ROGDI: variants seen among roughly 807,000 people sequenced by gnomAD.
ROGDI encodes the protein rogdi atypical leucine zipper.
ROGDI carries 46 observed loss-of-function variants against 43.1 expected under a neutral mutation model. The ratio of observed to expected loss-of-function variants is 1.07; its 90% CI spans 0.84 to 1.37. The LOEUF is 1.37. ROGDI is among the 40% of genes most tolerant of loss of function. The probability of loss-of-function intolerance (pLI) is 0.00; values close to 1 mark genes in which losing one functional copy is unlikely to be tolerated. For synonymous variants in ROGDI, 243 were observed against 162.0 expected, an observed-to-expected ratio of 1.50 and a Z score of -3.80; for missense variants, 518 against 383.9, an observed-to-expected ratio of 1.35 and a Z score of -2.92.
chr16:4,798,399 G>A (rs756972357), intron 7 of ROGDI, 170 bp downstream of exon 7: 34 of 696,400 alleles, frequency 4.9e-5, no homozygotes, highest in Middle Eastern at 4.0e-4. Context: ...CAGGGTTAAC[G>A]TATTTTAGGG....
At position 4,797,921 on chromosome 16, in the gene ROGDI, C is replaced by A. The variant is rs772053878; in HGVS notation, c.695+17G>T. On this transcript the variant is annotated intron_variant, in intron 9 of 10. Transcript: ENST00000322048. ...ATGGGGTGGGCGTGCCTGGACCCCCCGCCCCTGCCTACTTACAACATGGCC... is the reference window on the plus strand; with the variant it reads ...ATGGGGTGGGCGTGCCTGGACCCCCAGCCCCTGCCTACTTACAACATGGCC... The A allele has an allele frequency of 1.9e-6, 3 of 1,598,550 alleles. No homozygotes were observed. The highest frequency in any genetic ancestry group is 1.3e-5 in the African/African-American group (1 of 74,778).
chr16:4,802,343 G>A (rs748899373), intron 2 of ROGDI, 39 bp downstream of exon 2: 1 of 1,517,900 alleles, frequency 6.6e-7, no homozygotes, highest in Non-Finnish European at 8.9e-7. Flanking sequence ...TGAGGAGGGA[G>A]GGCCGCCACG....
Position 4,798,136 on chromosome 16 carries a change from T to C in ROGDI, c.580A>G (p.Ile194Val), listed in dbSNP as rs2141906428. The C allele has an allele frequency of 9.3e-6, 15 of 1,613,958 alleles. No homozygotes were observed. Among genetic ancestry groups the C allele is most frequent in the African/African-American group, 2.7e-5 (2 of 75,012 alleles). Reference sequence around the variant, plus strand: ...GTGAGGCAGAGCTTGTTGAGGTTGATGTAGACGTTGACCAGCAGGTCGGAC... The same window carrying C: ...GTGAGGCAGAGCTTGTTGAGGTTGACGTAGACGTTGACCAGCAGGTCGGAC... ...LPSDLLVNVYINLNKLCLTVY... is the reference protein window; with the variant it reads ...LPSDLLVNVYVNLNKLCLTVY... The change falls in exon 8 of 11, where the codon ATC becomes GTC. Residue 194 changes from isoleucine to valine, a missense_variant. Coordinates refer to ENST00000322048, the MANE Select transcript of ROGDI (RefSeq NM_024589.3).
Position 4,797,982 on chromosome 16 carries a change from G to A in ROGDI, c.651C>T (p.Phe217=), listed in dbSNP as rs773539275. ...GCAGCACCGCGCCCCCAGCTGGGCG[G>A]AAGTTCTAGGGAGAACAGCACCAGA... is the stretch of plus-strand genomic sequence containing the variant. The part of the protein sequence containing the change: ...HALQPNSTKN[F]RPAGGAVLHS... Residue 217 remains phenylalanine (F), a synonymous_variant, in exon 9 of 11, where the codon TTC becomes TTT. Transcript: ENST00000322048. The A allele has an allele frequency of 5.0e-6, 8 of 1,608,446 alleles. No homozygotes were observed. The Admixed American group carries it at 1.3e-4, about 27-fold the overall frequency.
intron 2 of ROGDI, 135 bp from the exon 3 acceptor site, chr16:4,801,720 G>A (rs376721178): frequency 2.7e-5 from 21 of 785,676 alleles, no homozygotes; most frequent in East Asian, 1.6e-4. Context: ...GGGTTCAGCT[G>A]GGGTGGGAAG....
intron 3 of ROGDI, 39 bp from the exon 4 acceptor site, chr16:4,801,360 C>G: frequency 6.3e-7 from 1 of 1,586,810 alleles, no homozygotes; most frequent in Non-Finnish European, 8.6e-7. Flanking sequence ...TGTGGTCACC[C>G]CCCCACCACC....
At position 4,801,574 on chromosome 16, in the gene ROGDI, CAG is replaced by C. The variant is rs1402604550; in HGVS notation, c.127_128del (p.Leu43AlafsTer10). On this transcript the variant is annotated frameshift_variant, in exon 3 of 11. Coordinates refer to ENST00000322048, the MANE Select transcript of ROGDI (RefSeq NM_024589.3). LOFTEE classifies it high-confidence loss of function. ...QLQDILKEASLRFTLPGSGTE... is the reference protein window; with the variant it reads ...QLQDILKEASXRFTLPGSGTE... ...TGCCGGAGCCCGGCAGAGTGAAGCG[CAG>C]AGAGGCCTCCTGTGGAACAGAGGGA... 1 of 1,600,944 alleles carries C rather than the reference CAG, an allele frequency of 6.2e-7. No individual in the cohort carries two copies. The highest frequency in any genetic ancestry group is 1.7e-5 in the Admixed American group (1 of 57,788).
intron 3 of ROGDI, 54 bp downstream of exon 3, chr16:4,801,449 C>T (rs760668217): frequency 5.1e-6 from 8 of 1,571,296 alleles, no homozygotes; most frequent in Non-Finnish European, 6.9e-6. Context: ...TATGGCCATG[C>T]CTCCTACCCC....
intron 6 of ROGDI, 89 bp from the exon 7 acceptor site, chr16:4,798,756 G>A: frequency 1.8e-6 from 2 of 1,088,778 alleles, no homozygotes; most frequent in Non-Finnish European, 2.7e-6. Flanking sequence ...CTCCCACCCA[G>A]CCCAGTGGCT....
intron 10 of ROGDI, 31 bp downstream of exon 10, chr16:4,797,683 C>T: frequency 1.9e-6 from 3 of 1,613,712 alleles, no homozygotes; most frequent in Non-Finnish European, 2.5e-6. Flanking sequence ...AGAAGTCCTT[C>T]CCCTAATGAA....
chr16:4,798,768 C>T, intron 6 of ROGDI, 101 bp from the exon 7 acceptor site: 1 of 1,010,210 alleles, frequency 9.9e-7, no homozygotes, highest in Non-Finnish European at 1.5e-6. Context: ...CCAGTGGCTA[C>T]TGTTCCCAGG....
Position 4,801,228 on chromosome 16 carries a change from C to T in ROGDI, c.255+39G>A, listed in dbSNP as rs1169316668. On this transcript the variant is annotated intron_variant, in intron 4 of 10. Coordinates refer to ENST00000322048, the MANE Select transcript of ROGDI (RefSeq NM_024589.3). ...AAGTGGGAGCTCCCATGCTCTTCCC[C>T]ATTGGCAGGATGGGAGGGGACAGGG... is the stretch of plus-strand genomic sequence containing the variant. The T allele has an allele frequency of 3.2e-6, 5 of 1,549,134 alleles. No individual in the cohort carries two copies. The South Asian group carries it at 5.9e-5, about 18-fold the overall frequency.
At position 4,800,490 on chromosome 16, in the gene ROGDI, G is replaced by T. The variant is rs1447116245; in HGVS notation, c.336+8C>A. On this transcript the variant is annotated splice_region_variant and intron_variant, in intron 5 of 10. Coordinates refer to ENST00000322048, the MANE Select transcript of ROGDI (RefSeq NM_024589.3). ...TGGCTGAGCACTAGCCAGGAGGGGC[G>T]GGGTCACCTGCTGCAGCTTCCACTG... 3.9e-6 allele frequency: 6 copies of T among 1,552,506 alleles called. No individual in the cohort carries two copies. In the Middle Eastern group the frequency reaches 1.0e-3, roughly 259 times the overall value.
At chr16:4,801,229 A>G in intron 4 of ROGDI, 38 bp downstream of exon 4, 2 of 1,552,572 alleles carry the variant, frequency 1.3e-6, no homozygotes, top group East Asian at 2.3e-5. Flanking sequence ...GCTCTTCCCC[A>G]TTGGCAGGAT....
rs1216031124 is a variant in ROGDI at position 4,797,484 on chromosome 16, G to A, written c.840C>T (p.Ser280=). 1.9e-6 allele frequency: 3 copies of A among 1,613,538 alleles called. No homozygotes were observed. The highest frequency in any genetic ancestry group is 1.7e-4 in the Middle Eastern group (1 of 6,052). ...ATCAGAAGGGTCTGTAGCTCCAGTAGCTGGAGAACACGGAGATCTGCAAGG... is the reference window on the plus strand; with the variant it reads ...ATCAGAAGGGTCTGTAGCTCCAGTAACTGGAGAACACGGAGATCTGCAAGG... ...QLKDKISVFS[S]YWSYRPF is the part of the protein sequence containing the mutation. The change falls in exon 11 of 11, where the codon AGC becomes AGT. Residue 280 remains serine (S), a synonymous_variant. Coordinates refer to ENST00000322048, the MANE Select transcript of ROGDI (RefSeq NM_024589.3).
chr16:4,802,447 C>T lies in ROGDI; in HGVS notation c.52G>A (p.Glu18Lys). ...TAAERAVLEE[E>K]FRWLLHDEVH... ...TCGTCGTGCAGCAGCCAGCGGAACTCCTCCTCCTGCGGGACAGACCCGGCG... is the reference window on the plus strand; with the variant it reads ...TCGTCGTGCAGCAGCCAGCGGAACTTCTCCTCCTGCGGGACAGACCCGGCG... The change falls in exon 2 of 11, where the codon GAG becomes AAG. Residue 18 changes from glutamate to lysine, a missense_variant. Coordinates refer to ENST00000322048, the MANE Select transcript of ROGDI (RefSeq NM_024589.3). The T allele has an allele frequency of 7.0e-7, 1 of 1,424,214 alleles. No individual in the cohort carries two copies. The highest frequency in any genetic ancestry group is 9.1e-7 in the Non-Finnish European group (1 of 1,092,920). The allele number at this position is 1,424,214 out of a possible 1,614,324, so 88.2% of individuals were successfully genotyped here. A position where few individuals can be genotyped will look rare whatever the true frequency, so the allele number is the denominator to read the frequency against.
At chr16:4,799,137 T>C (rs1207742301) in intron 6 of ROGDI, among the ~76,000 whole-genome samples, 1 of 152,112 alleles carries the variant, frequency 6.6e-6, no homozygotes, top group Non-Finnish European at 1.5e-5. Context: ...AGCAGAGCCC[T>C]GGCAGACTCC....
intron 5 of ROGDI, 83 bp downstream of exon 5, chr16:4,800,415 A>G: frequency 9.2e-7 from 1 of 1,088,160 alleles, no homozygotes; most frequent in Non-Finnish European, 1.4e-6. Flanking sequence ...CCCCAGGGCT[A>G]GTCCCTCTCC....
In ROGDI at chr16:4,797,767, C is replaced by G. The variant is rs752895075; in HGVS notation, c.769G>C (p.Ala257Pro). ...AGGGAGACGGTGAAGTAGACCAGGGCGTCGTTGAGCCAGGGGATCACGCAC... is the reference window on the plus strand; with the variant it reads ...AGGGAGACGGTGAAGTAGACCAGGGGGTCGTTGAGCCAGGGGATCACGCAC... ...VECVIPWLND[A>P]LVYFTVSLQL... The change falls in exon 10 of 11, where the codon GCC (alanine) becomes CCC (proline). Residue 257 changes from alanine to proline, a missense_variant. By Grantham distance (27) the Ala-to-Pro change is conservative. Coordinates refer to ENST00000322048, the MANE Select transcript of ROGDI (RefSeq NM_024589.3). The G allele has an allele frequency of 6.2e-7, 1 of 1,611,420 alleles. No individual in the cohort carries two copies. Among genetic ancestry groups the G allele is most frequent in the South Asian group, 1.1e-5 (1 of 90,986 alleles).
Sources: gnomAD v4.1 joint callset for allele counts (sites outside exome capture counted in the v4.1 genomes callset) on GRCh38, gnomAD v4.1.1 for gene constraint, MANE v1.5 for transcripts, NCBI Gene and HGNC (gene_info 2026-07-23, HGNC 2026-07-21) for gene names.